PRKCA: variants seen among roughly 807,000 people sequenced by gnomAD.
The protein encoded by PRKCA is protein kinase C alpha type.
Under a neutral mutation model 87.0 loss-of-function variants are expected in PRKCA, and 27 were observed. The observed-to-expected ratio is 0.31, with a 90% CI of 0.23 to 0.43. The LOEUF (loss-of-function observed/expected upper bound fraction) is 0.43, where lower values mean the gene tolerates loss of function less well. PRKCA is among the 20% of genes least tolerant of loss of function. The pLI is 1.00. For missense variants in PRKCA, 518 were observed against 852.3 expected, an observed-to-expected ratio of 0.61 and a Z score of 4.88; for synonymous variants, 329 against 311.1, an observed-to-expected ratio of 1.06 and a Z score of -0.61.
intron 2 of PRKCA, among the ~76,000 whole-genome samples, chr17:66,489,349 G>GTGCA (rs1210796173): frequency 1.3e-3 from 137 of 107,668 alleles, no homozygotes; most frequent in African/African-American, 5.0e-3. Flanking sequence ...ACCCTTAGCA[G>GTGCA]TGCATATATA....
chr17:66,660,502 G>A (rs1039353241), intron 5 of PRKCA, among the ~76,000 whole-genome samples: 1 of 152,092 alleles, frequency 6.6e-6, no homozygotes, highest in Non-Finnish European at 1.5e-5. Flanking sequence ...GGGACCCTCT[G>A]AAAATTCTGT....
At chr17:66,526,274 G>A (rs2144240910) in intron 3 of PRKCA, among the ~76,000 whole-genome samples, 1 of 152,274 alleles carries the variant, frequency 6.6e-6, no homozygotes, top group East Asian at 1.9e-4. Context: ...TAAGTGGTTT[G>A]GTTTATGATT....
rs1568030817 is a variant in PRKCA, at chr17:66,781,895, T to TA, written c.1606-4972_1606-4971insA. ...TATATATATATATATATAGTGTGTG[T>TA]GTGTGTGTGTGTGTGTGTGTGTGAG... is the stretch of plus-strand genomic sequence containing the variant. On this transcript the variant is annotated intron_variant, in intron 14 of 16. Transcript: ENST00000413366. Among the ~76,000 whole-genome samples the TA allele has an allele frequency of 2.0e-4, 28 of 143,374 alleles. No homozygotes were observed. The East Asian group carries it at 2.1e-3, about 11-fold the overall frequency. The allele number at this position is 143,374 out of a possible 152,430, so 94.1% of individuals were successfully genotyped here.
Position 66,677,914 on chromosome 17 carries a change from A to G in PRKCA, c.530-9197A>G, listed in dbSNP as rs117146231. 9.3e-3 allele frequency among the ~76,000 whole-genome samples: 1,421 copies of G among 152,342 alleles called. 16 individuals are homozygous for G. The highest frequency in any genetic ancestry group is 0.017 in the Middle Eastern group (5 of 292). ...TTCAGTATATTCACAAGATTGTGCAATATACACCACCACTGTCTAACCCAG... is the reference window on the plus strand; with the variant it reads ...TTCAGTATATTCACAAGATTGTGCAGTATACACCACCACTGTCTAACCCAG... On this transcript the variant is annotated intron_variant, in intron 5 of 16. Transcript: ENST00000413366.
chr17:66,500,801 A>G (rs1016862247), intron 3 of PRKCA, among the ~76,000 whole-genome samples: 1 of 152,240 alleles, frequency 6.6e-6, no homozygotes, highest in Non-Finnish European at 1.5e-5. Context: ...CTTATCCTCC[A>G]GTCCTTTTCA....
At chr17:66,604,597 A>G (rs1970157277) in intron 3 of PRKCA, among the ~76,000 whole-genome samples, 1 of 152,174 alleles carries the variant, frequency 6.6e-6, no homozygotes, top group South Asian at 2.1e-4. Flanking sequence ...CAACCACACT[A>G]CTTAATTAGG....
chr17:66,574,502 G>A, intron 3 of PRKCA, among the ~76,000 whole-genome samples: 1 of 152,148 alleles, frequency 6.6e-6, no homozygotes, highest in East Asian at 1.9e-4. Flanking sequence ...CAGCGCAGTT[G>A]TCACCCCTTC....
chr17:66,612,385 A>G (rs1333684091), intron 3 of PRKCA, among the ~76,000 whole-genome samples: 1 of 150,470 alleles, frequency 6.6e-6, no homozygotes, highest in Non-Finnish European at 1.5e-5. Context: ...CTGTCTCAAA[A>G]AAAAAAAAAA....
chr17:66,671,932 G>T (rs534036410), intron 5 of PRKCA, among the ~76,000 whole-genome samples: 1 of 152,288 alleles, frequency 6.6e-6, no homozygotes, highest in South Asian at 2.1e-4. Flanking sequence ...CACTAATAAT[G>T]TTGAGAAGTT....
At chr17:66,610,734 T>G (rs1355549824) in intron 3 of PRKCA, among the ~76,000 whole-genome samples, 1 of 152,242 alleles carries the variant, frequency 6.6e-6, no homozygotes, top group African/African-American at 2.4e-5. Context: ...TTTTTAACCC[T>G]AACTCAGTTC....
intron 2 of PRKCA, among the ~76,000 whole-genome samples, chr17:66,379,529 T>G (rs1340099987): frequency 1.3e-5 from 2 of 152,312 alleles, no homozygotes; most frequent in East Asian, 3.9e-4. Context: ...TGCAGATAAT[T>G]TTCTCCTATT....
At position 66,590,718 on chromosome 17, in the gene PRKCA, C is replaced by T. The variant is rs561301012; in HGVS notation, c.289-50637C>T. ...TACAAAAATTAGCTGGACATGATGG[C>T]GGGTGCCTATAATCCCAGCTACGTG... On this transcript the variant is annotated intron_variant, in intron 3 of 16. Coordinates refer to ENST00000413366, the MANE Select transcript of PRKCA (RefSeq NM_002737.3). 9.2e-5 allele frequency among the ~76,000 whole-genome samples: 14 copies of T among 152,184 alleles called. No individual in the cohort carries two copies. In the South Asian group the frequency reaches 1.5e-3, roughly 16 times the overall value.
rs62072402 is a variant in PRKCA at position 66,663,127 on chromosome 17, C to G, written c.529+17616C>G. On this transcript the variant is annotated intron_variant, in intron 5 of 16. Coordinates refer to ENST00000413366, the MANE Select transcript of PRKCA (RefSeq NM_002737.3). Reference sequence around the variant, plus strand: ...GCCAGGGCCTTCCAGGCAAGGAAGCCGAGCAAAGCCCACTGGAAGACAGGG... The same window carrying G: ...GCCAGGGCCTTCCAGGCAAGGAAGCGGAGCAAAGCCCACTGGAAGACAGGG... Among the ~76,000 whole-genome samples the G allele has an allele frequency of 6.2e-4, 95 of 152,280 alleles. 1 individual carries two copies. The East Asian group carries it at 9.1e-3, about 15-fold the overall frequency.
intron 2 of PRKCA, among the ~76,000 whole-genome samples, chr17:66,308,551 A>G (rs1326458648): frequency 6.6e-6 from 1 of 152,138 alleles, no homozygotes; most frequent in African/African-American, 2.4e-5. Flanking sequence ...TTAACCTCAG[A>G]TCTCTTTAAA....
intron 2 of PRKCA, among the ~76,000 whole-genome samples, chr17:66,428,850 A>G (rs1400660507): frequency 6.6e-6 from 1 of 152,160 alleles, no homozygotes; most frequent in African/African-American, 2.4e-5. Flanking sequence ...TGCTGCAGAT[A>G]CTTAATTTTG....
intron 15 of PRKCA, 145 bp downstream of exon 15, chr17:66,787,119 C>A (rs1406810163): frequency 1.3e-6 from 1 of 795,832 alleles, no homozygotes; most frequent in Non-Finnish European, 2.3e-6. Flanking sequence ...GGCTTGGTGT[C>A]ATGCCCCAAG....
At chr17:66,569,200 A>G (rs1968989848) in intron 3 of PRKCA, among the ~76,000 whole-genome samples, 2 of 152,198 alleles carry the variant, frequency 1.3e-5, no homozygotes, top group African/African-American at 4.8e-5. Context: ...TTGAAACATC[A>G]AAGAATGAAA....
At chr17:66,617,668 C>A (rs990154948) in intron 3 of PRKCA, among the ~76,000 whole-genome samples, 3 of 152,178 alleles carry the variant, frequency 2.0e-5, no homozygotes, top group African/African-American at 7.2e-5. Flanking sequence ...AGTTTACCTT[C>A]ACTTTTTGAA....
intron 8 of PRKCA, among the ~76,000 whole-genome samples, chr17:66,690,809 C>CAA (rs1357519077): frequency 8.9e-6 from 1 of 112,196 alleles, no homozygotes; most frequent in East Asian, 2.7e-4. Flanking sequence ...GCCTGGGCAA[C>CAA]AGAGCAAGAC....
Sources: allele counts gnomAD v4.1 joint callset (sites outside exome capture counted in the v4.1 genomes callset), GRCh38; gene constraint gnomAD v4.1.1; transcripts MANE v1.5; gene names NCBI Gene and HGNC (gene_info 2026-07-23, HGNC 2026-07-21).